Variants in RP1L1 observed in about 807,000 individuals in gnomAD.
RP1L1 encodes RP1 like 1, also known as retinitis pigmentosa 1-like 1 protein.
RP1L1 carries 27 observed loss-of-function variants against 15.7 expected under a neutral mutation model. That is an observed-to-expected ratio of 1.72 (90% CI 1.27 to 2.38). RP1L1 has a LOEUF of 2.38. Among genes scored for constraint, RP1L1 ranks in the 30% most tolerant of loss-of-function variants. RP1L1 has a pLI of 0.00. For missense variants in RP1L1, 4,798 were observed against 3,075.9 expected (o/e 1.56, Z -13.24); for synonymous variants, 1,813 against 1,276.7 (o/e 1.42, Z -8.96).
intron 2 of RP1L1, chr8:10,621,731 C>T (rs1398887540): frequency 3.9e-6 from 2 of 507,674 alleles, no homozygotes; most frequent in South Asian, 1.4e-5. Flanking sequence ...CCTCCATCCT[C>T]CATTCTGCCG....
At chr8:10,629,533 C>A (rs1466384523) in intron 1 of RP1L1, among the ~76,000 whole-genome samples, 2 of 152,174 alleles carry the variant, frequency 1.3e-5, no homozygotes, top group African/African-American at 4.8e-5. Context: ...CTCAACTTAG[C>A]AAACAACTTT....
At chr8:10,621,477 C>T in intron 2 of RP1L1, 1 of 318,124 alleles carries the variant, frequency 3.1e-6, no homozygotes, top group South Asian at 2.5e-5. Flanking sequence ...AGGTGTGCGC[C>T]AACACACCTG....
chr8:10,612,744 T>G lies in RP1L1; in HGVS notation c.1354A>C (p.Ser452Arg), dbSNP rs1354553799. 6.2e-7 allele frequency: 1 copy of G among 1,607,432 alleles called. No individual in the cohort carries two copies. Among genetic ancestry groups the G allele is most frequent in the Non-Finnish European group, 8.5e-7 (1 of 1,179,582 alleles). The change falls in exon 4 of 4, where the codon AGT (serine) becomes CGT (arginine). Residue 452 changes from serine to arginine, a missense_variant. Ser to Arg is a moderately radical substitution (Grantham distance 110). Transcript: ENST00000382483. The part of the protein sequence containing the change: ...TAGRERCSQD[S>R]ASPASSTGLP... Reference sequence around the variant, plus strand: ...CCGGTGCTGGAGGCTGGGCTGGCACTGTCCTGGCTGCATCTCTCCCTCCCG... The same window carrying G: ...CCGGTGCTGGAGGCTGGGCTGGCACGGTCCTGGCTGCATCTCTCCCTCCCG...
In RP1L1 at chr8:10,622,920, C is replaced by T. The variant is rs1798090122; in HGVS notation, c.282G>A (p.Glu94=). 1 of 1,613,926 alleles carries T rather than the reference C, an allele frequency of 6.2e-7. No homozygotes were observed. The highest frequency in any genetic ancestry group is 1.1e-5 in the South Asian group (1 of 91,086). ...PRGLHSLSAL[E]QLEDGGCYLC... is the part of the protein sequence containing the mutation. ...GGTAGCAGCCTCCATCTTCCAGCTG[C>T]TCCAGGGCGCTGAGGCTATGCAGGC... Residue 94 remains glutamate (E), a synonymous_variant, in exon 2 of 4, where the codon GAG becomes GAA. Transcript: ENST00000382483.
At chr8:10,614,054 T>G (rs1797925587) in intron 3 of RP1L1, among the ~76,000 whole-genome samples, 1 of 152,190 alleles carries the variant, frequency 6.6e-6, no homozygotes, top group Non-Finnish European at 1.5e-5. Flanking sequence ...TAGCACATAG[T>G]AGGCTCTCGA....
At chr8:10,622,508 G>C in intron 2 of RP1L1, 85 bp downstream of exon 2, 1 of 1,580,732 alleles carries the variant, frequency 6.3e-7, no homozygotes, top group Non-Finnish European at 8.7e-7. Context: ...CTCTTTTTAA[G>C]GAATAATCTC....
Position 10,610,628 on chromosome 8 carries a change from A to G in RP1L1, c.3470T>C (p.Leu1157Pro). 6.2e-7 allele frequency: 1 copy of G among 1,612,300 alleles called. No individual in the cohort carries two copies. Among genetic ancestry groups the G allele is most frequent in the Non-Finnish European group, 8.5e-7 (1 of 1,179,320 alleles). ...YQELLSISKD[L>P]WPGCDVGEDQ... ...TTCCCCAACGTCACATCCTGGCCAC[A>G]GGTCCTTCGAGATGCTGAGCAGCTC... The change falls in exon 4 of 4, where the codon CTG becomes CCG. Residue 1157 changes from leucine to proline, a missense_variant. By Grantham distance (98) the Leu-to-Pro change is moderately conservative (BLOSUM62 -3). Transcript: ENST00000382483.
intron 1 of RP1L1, among the ~76,000 whole-genome samples, chr8:10,626,468 C>T (rs566299978): frequency 2.0e-5 from 3 of 152,300 alleles, no homozygotes; most frequent in South Asian, 2.1e-4. Flanking sequence ...GAGCTGCAGG[C>T]ATGCAGCAGG....
intron 1 of RP1L1, among the ~76,000 whole-genome samples, chr8:10,631,421 A>G (rs1798250668): frequency 6.7e-6 from 1 of 149,800 alleles, no homozygotes; most frequent in Non-Finnish European, 1.5e-5. Context: ...ACACGCACAC[A>G]CACATGCGCG....
At chr8:10,619,613 G>A (rs1798026525) in intron 2 of RP1L1, among the ~76,000 whole-genome samples, 1 of 152,136 alleles carries the variant, frequency 6.6e-6, no homozygotes, top group Non-Finnish European at 1.5e-5. Flanking sequence ...CCCTCTGAGT[G>A]TAATTCTTTC....
chr8:10,622,318 C>T (rs1416935196), intron 2 of RP1L1, among the ~76,000 whole-genome samples: 1 of 130,648 alleles, frequency 7.7e-6, no homozygotes, highest in Admixed American at 7.6e-5. Context: ...TAAACTCCAT[C>T]TCGAAAAAAA....
intron 1 of RP1L1, among the ~76,000 whole-genome samples, chr8:10,649,884 T>C (rs1267550674): frequency 6.6e-6 from 1 of 152,142 alleles, no homozygotes; most frequent in East Asian, 1.9e-4. Context: ...CTGCCTCCCC[T>C]TCAGCCGCCC....
chr8:10,621,526 C>T, intron 2 of RP1L1: 1 of 347,064 alleles, frequency 2.9e-6, no homozygotes, highest in Non-Finnish European at 5.7e-6. Context: ...GGGTTTCGCC[C>T]TATTGGCCAG....
intron 1 of RP1L1, among the ~76,000 whole-genome samples, chr8:10,636,558 C>G (rs1162619242): frequency 2.0e-5 from 3 of 152,192 alleles, no homozygotes; most frequent in African/African-American, 7.2e-5. Context: ...GCCTGACCAC[C>G]AAGAGGACTC....
chr8:10,608,646 C>T lies in RP1L1; in HGVS notation c.5452G>A (p.Ala1818Thr), dbSNP rs199701906. 1.0e-3 allele frequency: 1,608 copies of T among 1,614,214 alleles called. 1 individual carries two copies. Among genetic ancestry groups the T allele is most frequent in the Non-Finnish European group, 1.2e-3 (1,443 of 1,180,028 alleles). Reference protein sequence around the residue: ...SGHEDNLQGEAAAGGDQDPGQ... With the variant: ...SGHEDNLQGETAAGGDQDPGQ... ...GGATCTTGGTCACCTCCTGCCGCAGCTTCACCCTGCAAGTTGTCCTCATGC... is the reference window on the plus strand; with the variant it reads ...GGATCTTGGTCACCTCCTGCCGCAGTTTCACCCTGCAAGTTGTCCTCATGC... Residue 1818 changes from alanine (A) to threonine (T), a missense_variant, in exon 4 of 4, where the codon GCT (alanine) becomes ACT (threonine). Physicochemically the swap from Ala to Thr is moderately conservative, Grantham distance 58. Coordinates refer to ENST00000382483, the MANE Select transcript of RP1L1 (RefSeq NM_178857.6).
rs780164110 is a variant in RP1L1 at position 10,613,101 on chromosome 8, C to T, written c.997G>A (p.Gly333Ser). 9.9e-6 allele frequency: 16 copies of T among 1,613,910 alleles called. No homozygotes were observed. The highest frequency in any genetic ancestry group is 6.7e-5 in the Admixed American group (4 of 60,032). ...VEMKVRFHLV[G>S]EDTLLWSRRM... is the part of the protein sequence containing the mutation. ...CGGGACCATAGGAGCGTGTCCTCGC[C>T]GACCAGGTGGAAGCGGACTTTCATC... The change falls in exon 4 of 4, where the codon GGC (glycine) becomes AGC (serine). Residue 333 changes from glycine to serine, a missense_variant. Physicochemically the swap from Gly to Ser is moderately conservative, Grantham distance 56 (BLOSUM62 0). Coordinates refer to ENST00000382483, the MANE Select transcript of RP1L1 (RefSeq NM_178857.6).
At position 10,611,434 on chromosome 8, in the gene RP1L1, C is replaced by A. The variant is rs548337582; in HGVS notation, c.2664G>T (p.Pro888=). 2.5e-6 allele frequency: 4 copies of A among 1,576,412 alleles called. No homozygotes were observed. Among genetic ancestry groups the A allele is most frequent in the Non-Finnish European group, 3.4e-6 (4 of 1,163,574 alleles). ...GGCCTGGCTGGCGTGTCCCCTCCTG[C>A]GGGCTCCCACCTGGCCCCCGGGCAG... is the stretch of plus-strand genomic sequence containing the variant. ...QSTARGPGGS[P]QEGTRQPGPT... is the part of the protein sequence containing the mutation. Residue 888 remains proline (P), a synonymous_variant, in exon 4 of 4, where the codon CCG becomes CCT. Transcript: ENST00000382483.
rs987146604 is a variant in RP1L1 at position 10,607,014 on chromosome 8, G to C, written c.7084C>G (p.Pro2362Ala). 3.7e-6 allele frequency: 6 copies of C among 1,614,180 alleles called. No homozygotes were observed. The highest frequency in any genetic ancestry group is 3.3e-4 in the Middle Eastern group (2 of 6,062). Residue 2362 changes from proline to alanine, a missense_variant, in exon 4 of 4, where the codon CCA becomes GCA. Physicochemically the swap from Pro to Ala is conservative, Grantham distance 27. Coordinates refer to ENST00000382483, the MANE Select transcript of RP1L1 (RefSeq NM_178857.6). ...QEEAPLGSRT[P>A]EQGASEGYDL... Reference sequence around the variant, plus strand: ...TAACCTTCACTGGCCCCCTGCTCTGGAGTCCTTGAGCCCAAAGGGGCCTCT... The same window carrying C: ...TAACCTTCACTGGCCCCCTGCTCTGCAGTCCTTGAGCCCAAAGGGGCCTCT...
In RP1L1 at chr8:10,607,629, C is replaced by A; in HGVS notation, c.6469G>T (p.Ala2157Ser). ...TCTATACCTTCTGACTCTGGCTGGG[C>A]CTCCCCTTCTGCATCCTGGGCCTCT... is the stretch of plus-strand genomic sequence containing the variant. Reference protein sequence around the residue: ...GVEAQDAEGEAQPESEGIEAQ... With the variant: ...GVEAQDAEGESQPESEGIEAQ... The change falls in exon 4 of 4, where the codon GCC (alanine) becomes TCC (serine). Residue 2157 changes from alanine (A) to serine (S), a missense_variant. By Grantham distance (99) the Ala-to-Ser change is moderately conservative. Coordinates refer to ENST00000382483, the MANE Select transcript of RP1L1 (RefSeq NM_178857.6). The A allele has an allele frequency of 6.3e-7, 1 of 1,596,460 alleles. No homozygotes were observed. Among genetic ancestry groups the A allele is most frequent in the Non-Finnish European group, 8.5e-7 (1 of 1,169,988 alleles).
Sources: allele counts gnomAD v4.1 joint callset (sites outside exome capture counted in the v4.1 genomes callset), GRCh38; gene constraint gnomAD v4.1.1; transcripts MANE v1.5; gene names NCBI Gene and HGNC (gene_info 2026-07-23, HGNC 2026-07-21).